NEGR1: variants seen among roughly 807,000 people sequenced by gnomAD.
The protein encoded by NEGR1 is neuronal growth regulator 1, also known as IgLON family member 4.
In NEGR1, 10 loss-of-function variants were observed where a neutral mutation model predicts 40.9. The ratio of observed to expected loss-of-function variants is 0.24; its 90% confidence interval spans 0.15 to 0.42. The LOEUF (loss-of-function observed/expected upper bound fraction) is 0.42, where lower values mean the gene tolerates loss of function less well. Ranked by LOEUF, NEGR1 falls within the 10% of genes least tolerant of loss-of-function variation. The pLI is 1.00. For synonymous variants in NEGR1, 185 were observed against 166.8 expected, an observed-to-expected ratio of 1.11 and a Z score of -0.84; for missense variants, 352 against 438.9, an observed-to-expected ratio of 0.80 and a Z score of 1.77.
rs1455654424 is a variant in NEGR1, at chr1:71,405,145, T to C, written c.*2301A>G. 1 of 152,208 alleles carries C rather than the reference T, an allele frequency of 6.6e-6. No homozygotes were observed. Among genetic ancestry groups the C allele is most frequent in the Non-Finnish European group, 1.5e-5 (1 of 67,794 alleles). 9.4% of individuals were successfully genotyped at this position (152,208 alleles called of 1,614,324 possible). A position where few individuals can be genotyped will look rare whatever the true frequency, so the allele number is the denominator to read the frequency against. ...ATGACTGTACTTCTGTCACATTCTA[T>C]GGTAAAAACACCAGACTCCACAAAT... On this transcript the variant is annotated 3_prime_UTR_variant, in exon 7 of 7. Coordinates refer to ENST00000357731, the MANE Select transcript of NEGR1 (RefSeq NM_173808.3).
chr1:72,240,028 A>G (rs1654683063), intron 1 of NEGR1, among the ~76,000 whole-genome samples: 1 of 151,934 alleles, frequency 6.6e-6, no homozygotes, highest in Non-Finnish European at 1.5e-5. Flanking sequence ...AGTGTGAGGC[A>G]GTAAGAAGGT....
At chr1:71,829,892 C>T (rs1658779219) in intron 2 of NEGR1, among the ~76,000 whole-genome samples, 1 of 151,902 alleles carries the variant, frequency 6.6e-6, no homozygotes, top group African/African-American at 2.4e-5. Context: ...AAAATAACTA[C>T]CTCCCCCAAG....
At chr1:72,168,811 G>C (rs775482195) in intron 1 of NEGR1, among the ~76,000 whole-genome samples, 272 of 152,116 alleles carry the variant, frequency 1.8e-3, no homozygotes, top group Non-Finnish European at 2.9e-3. Context: ...GAGGTGGGAG[G>C]ATCACTTGAG....
chr1:71,443,185 G>A (rs1001193350), intron 6 of NEGR1, among the ~76,000 whole-genome samples: 1 of 152,128 alleles, frequency 6.6e-6, no homozygotes, highest in East Asian at 1.9e-4. Context: ...GGATGATTTT[G>A]TAAATTTTTT....
intron 2 of NEGR1, among the ~76,000 whole-genome samples, chr1:71,853,222 A>G (rs1327916851): frequency 6.6e-6 from 1 of 152,130 alleles, no homozygotes; most frequent in Admixed American, 6.6e-5. Context: ...CATAATTTTT[A>G]TCAATCTTGA....
At chr1:71,745,803 CAG>C (rs1388105938) in intron 3 of NEGR1, among the ~76,000 whole-genome samples, 1 of 152,144 alleles carries the variant, frequency 6.6e-6, no homozygotes, top group Non-Finnish European at 1.5e-5. Context: ...AACAAACAAA[CAG>C]AAATCATAAC....
At chr1:71,697,194 G>T (rs758647052) in intron 4 of NEGR1, among the ~76,000 whole-genome samples, 1 of 151,790 alleles carries the variant, frequency 6.6e-6, no homozygotes, top group Non-Finnish European at 1.5e-5. Context: ...TATATAGAAA[G>T]ATAAGTAAGT....
chr1:72,109,833 A>G (rs535124059), intron 1 of NEGR1, among the ~76,000 whole-genome samples: 1 of 151,756 alleles, frequency 6.6e-6, no homozygotes, highest in Admixed American at 6.6e-5. Context: ...AATGGGAAAA[A>G]TTGGGGCTGG....
intron 3 of NEGR1, among the ~76,000 whole-genome samples, chr1:71,755,178 T>C (rs940168752): frequency 6.6e-5 from 10 of 152,146 alleles, no homozygotes; most frequent in African/African-American, 2.4e-4. Flanking sequence ...ATTTTCCACA[T>C]TGATGAAGCC....
In NEGR1 at chr1:71,613,046, T is replaced by G. The variant is rs74564332; in HGVS notation, c.668-1900A>C. ...CAGAGTACAGATAAAATCTGATTGT[T>G]TTTTTGAAAAGATGACTCTGGCTGC... On this transcript the variant is annotated intron_variant, in intron 4 of 6. Transcript: ENST00000357731. Among the ~76,000 whole-genome samples the G allele has an allele frequency of 1.4e-4, 21 of 152,274 alleles. No homozygotes were observed. The East Asian group carries it at 3.9e-3, about 28-fold the overall frequency.
intron 6 of NEGR1, among the ~76,000 whole-genome samples, chr1:71,496,782 G>A (rs1646966786): frequency 6.6e-6 from 1 of 152,008 alleles, no homozygotes; most frequent in African/African-American, 2.4e-5. Context: ...TCAGTAACAA[G>A]GCAAGAATTC....
intron 3 of NEGR1, among the ~76,000 whole-genome samples, chr1:71,748,325 T>C (rs1655454014): frequency 6.6e-6 from 1 of 152,194 alleles, no homozygotes; most frequent in South Asian, 2.1e-4. Context: ...GTACACAATG[T>C]AGTTCCCCAT....
chr1:72,231,906 G>T (rs990054644), intron 1 of NEGR1, among the ~76,000 whole-genome samples: 1 of 152,002 alleles, frequency 6.6e-6, no homozygotes, highest in Non-Finnish European at 1.5e-5. Context: ...CAGAAAATTC[G>T]CCAATATACA....
At chr1:71,538,761 G>A (rs571525985) in intron 6 of NEGR1, among the ~76,000 whole-genome samples, 74 of 151,792 alleles carry the variant, frequency 4.9e-4, no homozygotes, top group Admixed American at 2.4e-3. Flanking sequence ...CTAAGCAGAA[G>A]AAATACATGA....
intron 1 of NEGR1, among the ~76,000 whole-genome samples, chr1:72,120,755 C>T (rs780697291): frequency 4.6e-5 from 7 of 151,808 alleles, no homozygotes; most frequent in Non-Finnish European, 8.8e-5. Flanking sequence ...GTGAGATGCT[C>T]ATTTAACAAA....
chr1:71,973,498 A>C (rs1646276181), intron 1 of NEGR1, among the ~76,000 whole-genome samples: 1 of 152,158 alleles, frequency 6.6e-6, no homozygotes, highest in Non-Finnish European at 1.5e-5. Flanking sequence ...TAGAAATCTA[A>C]TAGAGATTTT....
At chr1:72,062,340 A>G (rs1647192368) in intron 1 of NEGR1, among the ~76,000 whole-genome samples, 1 of 151,888 alleles carries the variant, frequency 6.6e-6, no homozygotes, top group South Asian at 2.1e-4. Context: ...CCTCATTCTA[A>G]GATGCCATAA....
chr1:71,497,524 T>C (rs916178904), intron 6 of NEGR1, among the ~76,000 whole-genome samples: 2 of 152,126 alleles, frequency 1.3e-5, no homozygotes, highest in Non-Finnish European at 2.9e-5. Flanking sequence ...ATCAGATGAA[T>C]AAAGTATTTC....
intron 6 of NEGR1, among the ~76,000 whole-genome samples, chr1:71,495,354 G>A (rs1646955429): frequency 6.6e-6 from 1 of 151,908 alleles, no homozygotes; most frequent in Admixed American, 6.6e-5. Context: ...GCACAGGCCT[G>A]TCATCTCAGC....
Sources: allele counts gnomAD v4.1 joint callset (sites outside exome capture counted in the v4.1 genomes callset), GRCh38; gene constraint gnomAD v4.1.1; transcripts MANE v1.5; gene names NCBI Gene and HGNC (gene_info 2026-07-23, HGNC 2026-07-21).